The following PTK2B variants were observed in gnomAD, a reference collection of about 807,000 sequenced individuals.
PTK2B encodes protein-tyrosine kinase 2-beta.
Under a neutral mutation model 142.9 loss-of-function variants are expected in PTK2B, and 71 were observed. The ratio of observed to expected loss-of-function variants is 0.50; its 90% CI spans 0.41 to 0.61. The LOEUF is 0.61. Ranked by LOEUF, PTK2B falls within the 20% of genes least tolerant of loss-of-function variation. The pLI, the probability that PTK2B is intolerant of heterozygous loss-of-function variation, is 0.00. For synonymous variants in PTK2B, 519 were observed against 503.4 expected (o/e 1.03, Z -0.42); for missense variants, 1,105 against 1,320.4 (o/e 0.84, Z 2.53).
chr8:27,387,444 G>A (rs1003424273), intron 1 of PTK2B, among the ~76,000 whole-genome samples: 18 of 152,190 alleles, frequency 1.2e-4, no homozygotes, highest in African/African-American at 3.9e-4. Flanking sequence ...GAAGGAGTCA[G>A]ATCCATCTTT....
intron 2 of PTK2B, among the ~76,000 whole-genome samples, chr8:27,406,561 T>C (rs1586253874): frequency 1.3e-5 from 2 of 152,182 alleles, no homozygotes; most frequent in South Asian, 4.1e-4. Context: ...TCAGCTCTTC[T>C]CCCCAGGAGC....
chr8:27,442,743 A>C, intron 21 of PTK2B, 132 bp from the exon 22 acceptor site: 1 of 688,532 alleles, frequency 1.5e-6, no homozygotes, highest in South Asian at 1.8e-5. Context: ...TCTGCAGTGA[A>C]GATCGAAACG....
At chr8:27,314,499 A>G (rs1375288007) in intron 3 of PTK2B, among the ~76,000 whole-genome samples, 1 of 152,250 alleles carries the variant, frequency 6.6e-6, no homozygotes, top group Non-Finnish European at 1.5e-5. Flanking sequence ...CAGGGAACAT[A>G]AGGCCAATTC....
At chr8:27,310,801 C>A, upstream of PTK2B, 1 of 1,583,184 alleles carries the variant, frequency 6.3e-7, no homozygotes, top group Non-Finnish European at 8.6e-7. Flanking sequence ...CTGCTCTTAC[C>A]CGAAAGTCGT....
At chr8:27,384,849 G>A (rs553793200) in intron 1 of PTK2B, among the ~76,000 whole-genome samples, 59 of 152,216 alleles carry the variant, frequency 3.9e-4, no homozygotes, top group African/African-American at 1.4e-3. Context: ...GGGACCAAGC[G>A]CTGTCTGAGG....
At chr8:27,430,342 GC>G (rs768386212) in intron 6 of PTK2B, 21 bp from the exon 7 acceptor site, 1 of 1,614,106 alleles carries the variant, frequency 6.2e-7, no homozygotes, top group East Asian at 2.2e-5. Flanking sequence ...GTCACATGCT[GC>G]CTTTTTCTTC....
At chr8:27,311,404 G>A (rs1178347934), upstream of PTK2B, 1 of 849,840 alleles carries the variant, frequency 1.2e-6, no homozygotes, top group Non-Finnish European at 1.7e-6. Context: ...GAGGGGGAGG[G>A]AGGGGGCGCT....
Position 27,397,773 on chromosome 8 carries a change from C to T in PTK2B, c.189C>T (p.Val63=). ...ACTTCAAACTGGTCAAATGCACTGT[C>T]CAGACGGAGATCCGGGTAAGTGTGA... ...GKNFKLVKCT[V]QTEIREIITS... Residue 63 remains valine, a synonymous_variant, in exon 2 of 31, where the codon GTC becomes GTT. Coordinates refer to ENST00000346049, the MANE Select transcript of PTK2B (RefSeq NM_173176.3). 1.2e-6 allele frequency: 2 copies of T among 1,614,154 alleles called. No homozygotes were observed. Among genetic ancestry groups the T allele is most frequent in the South Asian group, 1.1e-5 (1 of 91,086 alleles).
chr8:27,397,510 G>A, intron 1 of PTK2B, 38 bp from the exon 2 acceptor site: 4 of 1,512,644 alleles, frequency 2.6e-6, no homozygotes. Flanking sequence ...GGGCCTGTGT[G>A]GGGCTCTTTC....
intron 1 of PTK2B, among the ~76,000 whole-genome samples, chr8:27,356,722 A>G (rs1239000737): frequency 6.6e-6 from 1 of 152,282 alleles, no homozygotes; most frequent in African/African-American, 2.4e-5. Flanking sequence ...AATACTACTC[A>G]GCAATGAAAA....
intron 12 of PTK2B, 117 bp downstream of exon 12, chr8:27,434,249 ACCCTG>A: frequency 2.3e-6 from 3 of 1,333,042 alleles, no homozygotes; most frequent in Admixed American, 4.2e-5. Context: ...GCCCAGGAGA[ACCCTG>A]AAAAAAGATG....
intron 2 of PTK2B, among the ~76,000 whole-genome samples, chr8:27,399,250 A>AT (rs1157113582): frequency 1.3e-5 from 2 of 152,198 alleles, no homozygotes; most frequent in East Asian, 3.8e-4. Flanking sequence ...ATATTAGGAC[A>AT]TGTTCCATAG....
rs1271709767 is a variant in PTK2B, at chr8:27,437,166, C to A, written c.1386C>A (p.Asp462Glu). 1 of 1,614,096 alleles carries A rather than the reference C, an allele frequency of 6.2e-7. No homozygotes were observed. The highest frequency in any genetic ancestry group is 8.5e-7 in the Non-Finnish European group (1 of 1,179,992). Residue 462 changes from aspartate to glutamate, a missense_variant, in exon 16 of 31, where the codon GAC becomes GAA. Coordinates refer to ENST00000346049, the MANE Select transcript of PTK2B (RefSeq NM_173176.3). ...INVAVKTCKKDCTLDNKEKFM... is the reference protein window; with the variant it reads ...INVAVKTCKKECTLDNKEKFM... ...TAGCTGTCAAGACCTGCAAGAAAGA[C>A]TGCACTCTGGACAACAAGGAGAAGT...
At chr8:27,312,460 G>C (rs1380589316) in intron 2 of PTK2B, 1 of 152,196 alleles carries the variant, frequency 6.6e-6, no homozygotes, top group Non-Finnish European at 1.5e-5. Flanking sequence ...AGTCTTGCAA[G>C]AATTAGGGCT....
At chr8:27,389,296 G>GGAAGGAAA (rs1016388416) in intron 1 of PTK2B, among the ~76,000 whole-genome samples, 1 of 152,080 alleles carries the variant, frequency 6.6e-6, no homozygotes, top group Non-Finnish European at 1.5e-5. Flanking sequence ...AGGGAGGGAA[G>GGAAGGAAA]GAAGGAAAGA....
intron 1 of PTK2B, among the ~76,000 whole-genome samples, chr8:27,385,786 G>C (rs1053460306): frequency 6.6e-6 from 1 of 151,724 alleles, no homozygotes; most frequent in Admixed American, 6.6e-5. Context: ...CCAGCTACTC[G>C]GGAGGCTGAG....
At chr8:27,331,984 T>TG (rs1211775264) in intron 1 of PTK2B, among the ~76,000 whole-genome samples, 1 of 152,120 alleles carries the variant, frequency 6.6e-6, no homozygotes, top group Non-Finnish European at 1.5e-5. Flanking sequence ...CTGATGCTGC[T>TG]GCACTTTGCA....
intron 8 of PTK2B, 83 bp from the exon 9 acceptor site, chr8:27,431,315 C>A: frequency 6.3e-7 from 1 of 1,599,470 alleles, no homozygotes; most frequent in Non-Finnish European, 8.5e-7. Context: ...TGGCTTGTGT[C>A]TAGCTTAGGG....
At chr8:27,410,560 T>G (rs1297472348) in intron 2 of PTK2B, among the ~76,000 whole-genome samples, 2 of 152,214 alleles carry the variant, frequency 1.3e-5, no homozygotes, top group African/African-American at 4.8e-5. Context: ...TCAAACATGT[T>G]TAATAAGCTT....
Sources: allele counts gnomAD v4.1 joint callset (sites outside exome capture counted in the v4.1 genomes callset), GRCh38; gene constraint gnomAD v4.1.1; transcripts MANE v1.5; gene names NCBI Gene and HGNC (gene_info 2026-07-23, HGNC 2026-07-21).